RP1L1: variants seen among roughly 807,000 people sequenced by gnomAD.
RP1L1 encodes retinitis pigmentosa 1-like 1 protein.
RP1L1 carries 27 observed loss-of-function variants against 15.7 expected under a neutral mutation model. That is an observed-to-expected ratio of 1.72 (90% CI 1.27 to 2.38). The LOEUF is 2.38. Among genes scored for constraint, RP1L1 ranks in the 30% most tolerant of loss-of-function variants. The probability of loss-of-function intolerance (pLI) is 0.00; values close to 1 mark genes in which losing one functional copy is unlikely to be tolerated. For missense variants in RP1L1, 4,798 were observed against 3,075.9 expected (o/e 1.56, Z -13.24); for synonymous variants, 1,813 against 1,276.7 (o/e 1.42, Z -8.96).
chr8:10,627,447 C>G (rs1252333814), intron 1 of RP1L1, among the ~76,000 whole-genome samples: 1 of 151,890 alleles, frequency 6.6e-6, no homozygotes, highest in African/African-American at 2.4e-5. Context: ...TTTATAGAGA[C>G]AGAAAGTAGG....
intron 2 of RP1L1, among the ~76,000 whole-genome samples, chr8:10,620,082 C>A (rs1396037196): frequency 6.6e-6 from 1 of 152,116 alleles, no homozygotes; most frequent in African/African-American, 2.4e-5. Flanking sequence ...TCTCTGGCGA[C>A]TAAGACACCT....
intron 1 of RP1L1, among the ~76,000 whole-genome samples, chr8:10,642,711 T>C (rs986953906): frequency 2.6e-5 from 4 of 152,220 alleles, no homozygotes; most frequent in African/African-American, 9.6e-5. Flanking sequence ...CCAGTCCCAC[T>C]CCTTACAGAG....
At position 10,631,382 on chromosome 8, in the gene RP1L1, CACAT is replaced by C. The variant is rs1232716806; in HGVS notation, c.-19-8166_-19-8163del. ...ACACAAACACACATGCACACAAACA[CACAT>C]GCACACACACGCACACACACGCACA... On this transcript the variant is annotated intron_variant, in intron 1 of 3. Coordinates refer to ENST00000382483, the MANE Select transcript of RP1L1 (RefSeq NM_178857.6). Among the ~76,000 whole-genome samples, 4 of 128,592 alleles carry C rather than the reference CACAT, an allele frequency of 3.1e-5. No individual in the cohort carries two copies. The East Asian group carries it at 5.9e-4, about 19-fold the overall frequency. The allele number at this position is 128,592 out of a possible 152,430, so 84.4% of individuals were successfully genotyped here. A position where few individuals can be genotyped will look rare whatever the true frequency, so the allele number is the denominator to read the frequency against.
intron 1 of RP1L1, among the ~76,000 whole-genome samples, chr8:10,626,910 A>T (rs1258285222): frequency 6.6e-6 from 1 of 152,202 alleles, no homozygotes; most frequent in Non-Finnish European, 1.5e-5. Context: ...CAGGTGGGTG[A>T]ACGTGACTCG....
rs1372869822 is a variant in RP1L1 at position 10,609,239 on chromosome 8, G to C, written c.4859C>G (p.Ser1620Cys). ...LRGLRNLSAFSERTLGLGPLS... is the reference protein window; with the variant it reads ...LRGLRNLSAFCERTLGLGPLS... The stretch of plus-strand genomic sequence containing the variant: ...GGGCCCCAGGCCCAGGGTCCGCTCA[G>C]AGAAGGCCGAGAGGTTTCGCAGGCC... Residue 1620 changes from serine to cysteine, a missense_variant, in exon 4 of 4, where the codon TCT becomes TGT. Physicochemically the swap from Ser to Cys is moderately radical, Grantham distance 112. Coordinates refer to ENST00000382483, the MANE Select transcript of RP1L1 (RefSeq NM_178857.6). The C allele has an allele frequency of 1.9e-6, 3 of 1,609,106 alleles. No homozygotes were observed. The highest frequency in any genetic ancestry group is 2.2e-5 in the East Asian group (1 of 44,856).
Position 10,607,542 on chromosome 8 carries a change from C to T in RP1L1, c.6556G>A (p.Glu2186Lys), listed in dbSNP as rs1797727717. 5 of 1,606,500 alleles carry T rather than the reference C, an allele frequency of 3.1e-6. No individual in the cohort carries two copies. The highest frequency in any genetic ancestry group is 4.3e-6 in the Non-Finnish European group (5 of 1,174,646). The change falls in exon 4 of 4, where the codon GAA (glutamate) becomes AAA (lysine). Residue 2186 changes from glutamate to lysine, a missense_variant. Transcript: ENST00000382483. Reference protein sequence around the residue: ...ELEGVEAPEAEGEAQPESEGI... With the variant: ...ELEGVEAPEAKGEAQPESEGI... The stretch of plus-strand genomic sequence containing the variant: ...TCTGACTCTGGCTGGGCCTCCCCTT[C>T]TGCCTCTGGGGCCTCTACACCTTCT...
chr8:10,619,754 G>A (rs978013099), intron 2 of RP1L1, among the ~76,000 whole-genome samples: 4 of 150,486 alleles, frequency 2.7e-5, no homozygotes, highest in African/African-American at 4.9e-5. Flanking sequence ...TGGTGAAACC[G>A]CATCTCTACT....
At position 10,612,029 on chromosome 8, in the gene RP1L1, G is replaced by C. The variant is rs372099332; in HGVS notation, c.2069C>G (p.Pro690Arg). The C allele has an allele frequency of 2.7e-5, 44 of 1,613,802 alleles. No homozygotes were observed. The highest frequency in any genetic ancestry group is 3.6e-5 in the Non-Finnish European group (42 of 1,180,044). The change falls in exon 4 of 4, where the codon CCT becomes CGT. Residue 690 changes from proline (P) to arginine (R), a missense_variant. Physicochemically the swap from Pro to Arg is moderately radical, Grantham distance 103. Transcript: ENST00000382483. The part of the protein sequence containing the change: ...SSVTKQVPRP[P>R]ERRRACQDGS... ...ATCCTGGCAGGCCCTTCGCCGCTCA[G>C]GAGGCCTCGGCACTTGCTTGGTTAC...
chr8:10,612,303 C>G lies in RP1L1; in HGVS notation c.1795G>C (p.Glu599Gln). The G allele has an allele frequency of 1.2e-6, 2 of 1,613,236 alleles. No homozygotes were observed. The highest frequency in any genetic ancestry group is 1.7e-6 in the Non-Finnish European group (2 of 1,180,016). ...GTCACAGCCGCTCCCGTGGCCTGCT[C>G]GGTGCCCTGTCCTTGCGTCTCTGCC... ...LQAETQGQGT[E>Q]QATGAAVTRE... Residue 599 changes from glutamate (E) to glutamine (Q), a missense_variant, in exon 4 of 4, where the codon GAG becomes CAG. Glu to Gln is a conservative substitution (Grantham distance 29). Coordinates refer to ENST00000382483, the MANE Select transcript of RP1L1 (RefSeq NM_178857.6).
At position 10,633,361 on chromosome 8, in the gene RP1L1, G is replaced by C. The variant is rs141687011; in HGVS notation, c.-19-10141C>G. 2.8e-3 allele frequency among the ~76,000 whole-genome samples: 426 copies of C among 152,332 alleles called. 3 individuals are homozygous for C. Among genetic ancestry groups the C allele is most frequent in the Middle Eastern group, 0.01 (3 of 294 alleles). ...GCAAGAAGCCTGACAAGGCAACCCA[G>C]AAAGGCCAGACCCTTAGTTCAAAGG... On this transcript the variant is annotated intron_variant, in intron 1 of 3. Transcript: ENST00000382483.
chr8:10,638,391 A>T, intron 1 of RP1L1, among the ~76,000 whole-genome samples: 1 of 152,206 alleles, frequency 6.6e-6, no homozygotes. Context: ...AGACAGTTTC[A>T]TGTGGGGAAA....
rs766080943 is a variant in RP1L1 at position 10,611,190 on chromosome 8, G to C, written c.2908C>G (p.Leu970Val). 2.5e-6 allele frequency: 4 copies of C among 1,612,870 alleles called. No homozygotes were observed. In the South Asian group the frequency reaches 4.4e-5, roughly 18 times the overall value. The change falls in exon 4 of 4, where the codon CTC (leucine) becomes GTC (valine). Residue 970 changes from leucine (L) to valine (V), a missense_variant. Leu to Val is a conservative substitution (Grantham distance 32). Transcript: ENST00000382483. ...TCGTCCGCCAACTCATATGTCATGA[G>C]TATGGGCTCTTCTGGAATGTTGTCC... ...WLDNIPEEPILMTYELADETT... is the reference protein window; with the variant it reads ...WLDNIPEEPIVMTYELADETT...
intron 1 of RP1L1, among the ~76,000 whole-genome samples, chr8:10,645,815 A>C (rs1320112261): frequency 6.6e-6 from 1 of 152,108 alleles, no homozygotes; most frequent in Non-Finnish European, 1.5e-5. Context: ...ACGCTCACCT[A>C]TTGGCCACCA....
intron 1 of RP1L1, among the ~76,000 whole-genome samples, chr8:10,646,955 G>A (rs2117265207): frequency 1.3e-5 from 2 of 152,286 alleles, no homozygotes; most frequent in South Asian, 4.1e-4. Context: ...GCTTCCTTGG[G>A]GGTCGCTCCA....
At chr8:10,622,489 A>G (rs1798076303) in intron 2 of RP1L1, 104 bp downstream of exon 2, 3 of 1,500,278 alleles carry the variant, frequency 2.0e-6, no homozygotes, top group Non-Finnish European at 2.8e-6. Context: ...CAGCAGGGCA[A>G]TCAAATGCCT....
At chr8:10,631,333 A>C (rs200609526) in intron 1 of RP1L1, among the ~76,000 whole-genome samples, 1 of 28,070 alleles carries the variant, frequency 3.6e-5, no homozygotes, top group African/African-American at 6.1e-5. Flanking sequence ...GCACACACAC[A>C]TGCACACACA....
chr8:10,617,011 C>G (rs1797978568), intron 2 of RP1L1, among the ~76,000 whole-genome samples: 1 of 152,174 alleles, frequency 6.6e-6, no homozygotes, highest in Admixed American at 6.5e-5. Context: ...ATGAAGGAGA[C>G]TCTGTGCTGC....
intron 3 of RP1L1, 144 bp downstream of exon 3, chr8:10,616,302 C>A: frequency 9.6e-7 from 1 of 1,042,576 alleles, no homozygotes; most frequent in Non-Finnish European, 1.5e-6. Context: ...GAGGAAGAGG[C>A]AAGAGAGATC....
chr8:10,616,321 A>G, intron 3 of RP1L1, 125 bp downstream of exon 3: 1 of 1,250,034 alleles, frequency 8.0e-7, no homozygotes, highest in Non-Finnish European at 1.2e-6. Context: ...TCCCAAAATG[A>G]CTGGGATACC....
Sources: gnomAD v4.1 joint callset for allele counts (sites outside exome capture counted in the v4.1 genomes callset) on GRCh38, gnomAD v4.1.1 for gene constraint, MANE v1.5 for transcripts, NCBI Gene and HGNC (gene_info 2026-07-23, HGNC 2026-07-21) for gene names.